The following MAML2 variants were observed in gnomAD, a reference collection of about 807,000 sequenced individuals.
The protein encoded by MAML2 is mastermind-like protein 2.
A neutral mutation model predicts 96.1 loss-of-function variants in MAML2; 22 were observed. The observed-to-expected ratio is 0.23, with a 90% CI of 0.16 to 0.33. The LOEUF (loss-of-function observed/expected upper bound fraction) is 0.33, where lower values mean the gene tolerates loss of function less well. Among genes scored for constraint, MAML2 ranks in the 10% least tolerant of loss-of-function variants. The probability of loss-of-function intolerance (pLI) is 1.00; values close to 1 mark genes in which losing one functional copy is unlikely to be tolerated. For synonymous variants in MAML2, 561 were observed against 521.3 expected, an observed-to-expected ratio of 1.08 and a Z score of -1.04; for missense variants, 1,367 against 1,392.4, an observed-to-expected ratio of 0.98 and a Z score of 0.29.
At chr11:96,056,203 G>C (rs1565201226) in intron 2 of MAML2, among the ~76,000 whole-genome samples, 1 of 152,140 alleles carries the variant, frequency 6.6e-6, no homozygotes, top group Non-Finnish European at 1.5e-5. Context: ...GCCCCCACAG[G>C]GCAGGCTCTT....
intron 1 of MAML2, among the ~76,000 whole-genome samples, chr11:96,187,772 G>A (rs1965499817): frequency 1.4e-5 from 2 of 147,004 alleles, no homozygotes; most frequent in South Asian, 2.1e-4. Context: ...CCAGCCTGGC[G>A]ACAGAGTGAA....
intron 1 of MAML2, among the ~76,000 whole-genome samples, chr11:96,286,202 T>C (rs1183942339): frequency 6.6e-6 from 1 of 152,226 alleles, no homozygotes; most frequent in Non-Finnish European, 1.5e-5. Context: ...GAAGCTGTTA[T>C]CCTCAGCAAA....
In MAML2 at chr11:96,093,005, A is replaced by T; in HGVS notation, c.1026T>A (p.Ile342=). 3 of 1,613,988 alleles carry T rather than the reference A, an allele frequency of 1.9e-6. No individual in the cohort carries two copies. The highest frequency in any genetic ancestry group is 2.5e-6 in the Non-Finnish European group (3 of 1,179,884). Residue 342 remains isoleucine, a synonymous_variant, in exon 2 of 5, where the codon ATT becomes ATA. Transcript: ENST00000524717. ...ATIKQDDPFN[I]DLGQQSQRST... ...TCCTCTGGCTTTGCTGACCCAAGTC[A>T]ATGTTAAATGGGTCATCCTGCTTTA...
intron 1 of MAML2, among the ~76,000 whole-genome samples, chr11:96,293,351 T>A (rs1165641072): frequency 6.6e-6 from 1 of 152,144 alleles, no homozygotes; most frequent in Non-Finnish European, 1.5e-5. Context: ...TTCACTGTAA[T>A]CAGATCTTAC....
chr11:96,056,198 C>A (rs544174645), intron 2 of MAML2, among the ~76,000 whole-genome samples: 2 of 152,274 alleles, frequency 1.3e-5, no homozygotes, highest in Admixed American at 6.5e-5. Flanking sequence ...TCCCTGCCCC[C>A]ACAGGGCAGG....
chr11:96,138,446 G>T (rs1450222455), intron 1 of MAML2, among the ~76,000 whole-genome samples: 1 of 152,160 alleles, frequency 6.6e-6, no homozygotes, highest in Non-Finnish European at 1.5e-5. Context: ...CAAAATGGCT[G>T]CCTCTTATAT....
chr11:96,012,398 G>C (rs1858281199), intron 2 of MAML2, among the ~76,000 whole-genome samples: 1 of 152,170 alleles, frequency 6.6e-6, no homozygotes, highest in African/African-American at 2.4e-5. Flanking sequence ...CTTGCTGCAC[G>C]TGTTCACAGC....
intron 1 of MAML2, among the ~76,000 whole-genome samples, chr11:96,266,927 C>A (rs117982653): frequency 6.6e-6 from 1 of 152,060 alleles, no homozygotes; most frequent in Non-Finnish European, 1.5e-5. Context: ...TAAAACATAA[C>A]GTTATTGAGA....
chr11:96,119,825 A>T (rs2135843075), intron 1 of MAML2, among the ~76,000 whole-genome samples: 1 of 152,300 alleles, frequency 6.6e-6, no homozygotes, highest in African/African-American at 2.4e-5. Context: ...TATTTATTTA[A>T]ATATTAATTG....
chr11:96,077,369 C>T (rs1017468730), intron 2 of MAML2, among the ~76,000 whole-genome samples: 7 of 151,698 alleles, frequency 4.6e-5, no homozygotes, highest in African/African-American at 1.5e-4. Context: ...TACAGGCATA[C>T]GCCACCATGC....
At chr11:96,208,335 C>T (rs1388522298) in intron 1 of MAML2, among the ~76,000 whole-genome samples, 1 of 152,180 alleles carries the variant, frequency 6.6e-6, no homozygotes, top group African/African-American at 2.4e-5. Flanking sequence ...GATACAAACC[C>T]AGTGTGCCTG....
intron 1 of MAML2, among the ~76,000 whole-genome samples, chr11:96,212,519 GAGA>G (rs1236791330): frequency 1.3e-5 from 2 of 152,190 alleles, no homozygotes; most frequent in African/African-American, 2.4e-5. Flanking sequence ...CTTAATAGTA[GAGA>G]AGATTTTTTA....
intron 1 of MAML2, among the ~76,000 whole-genome samples, chr11:96,172,392 T>G (rs914949049): frequency 6.6e-6 from 1 of 152,240 alleles, no homozygotes; most frequent in South Asian, 2.1e-4. Flanking sequence ...CCTTCTCAGG[T>G]AGCTTCTTTG....
At chr11:96,167,281 G>C (rs1268974001) in intron 1 of MAML2, among the ~76,000 whole-genome samples, 1 of 152,040 alleles carries the variant, frequency 6.6e-6, no homozygotes, top group Non-Finnish European at 1.5e-5. Context: ...TTCTATTCCT[G>C]TTGGCCTGTG....
rs753627861 is a variant in MAML2, at chr11:96,092,475, G to C, written c.1556C>G (p.Pro519Arg). ...ATCTAGGTGCCCACCCTGGGCTGAG[G>C]GGCCGGCCTTGTACATGTAGTTAGC... ...VMANYMYKAGPSAQGGHLDVL... is the reference protein window; with the variant it reads ...VMANYMYKAGRSAQGGHLDVL... The change falls in exon 2 of 5, where the codon CCC becomes CGC. Residue 519 changes from proline (P) to arginine (R), a missense_variant. Pro to Arg is a moderately radical substitution (Grantham distance 103). Transcript: ENST00000524717. This position sits in a 1 kb window ranked among gnomAD's most constrained non-coding sequence, Gnocchi z 4.1. The C allele has an allele frequency of 6.2e-7, 1 of 1,610,148 alleles. No individual in the cohort carries two copies.
At chr11:96,071,386 C>T (rs1249022930) in intron 2 of MAML2, among the ~76,000 whole-genome samples, 2 of 152,388 alleles carry the variant, frequency 1.3e-5, no homozygotes, top group East Asian at 3.9e-4. Flanking sequence ...AGAGATGTCA[C>T]ACTAAACTTG....
intron 2 of MAML2, among the ~76,000 whole-genome samples, chr11:96,037,213 A>T (rs1355601571): frequency 1.3e-5 from 2 of 152,026 alleles, no homozygotes; most frequent in Non-Finnish European, 2.9e-5. Flanking sequence ...AACAAAAAAA[A>T]TAACTCTGGC....
intron 1 of MAML2, among the ~76,000 whole-genome samples, chr11:96,300,935 T>G (rs924638705): frequency 3.3e-5 from 5 of 152,200 alleles, no homozygotes; most frequent in African/African-American, 1.2e-4. Flanking sequence ...TGCCTCAGTT[T>G]CCTTTTCTGT....
intron 1 of MAML2, among the ~76,000 whole-genome samples, chr11:96,180,034 C>G (rs988458577): frequency 6.6e-6 from 1 of 152,180 alleles, no homozygotes; most frequent in Non-Finnish European, 1.5e-5. Flanking sequence ...CCATTCGAAA[C>G]TAAGAAACCA....
Sources: allele counts gnomAD v4.1 joint callset (sites outside exome capture counted in the v4.1 genomes callset), GRCh38; gene constraint gnomAD v4.1.1; non-coding constraint Gnocchi (gnomAD v3.1); transcripts MANE v1.5; gene names NCBI Gene and HGNC (gene_info 2026-07-23, HGNC 2026-07-21).